The following THBS1 variants were observed in gnomAD, a reference collection of about 807,000 sequenced individuals.
THBS1 encodes the protein thrombospondin 1, also known as thrombospondin-1.
A neutral mutation model predicts 126.1 loss-of-function variants in THBS1; 29 were observed. The ratio of observed to expected loss-of-function variants is 0.23; its 90% CI spans 0.17 to 0.31. The LOEUF (loss-of-function observed/expected upper bound fraction) is 0.31. Ranked by LOEUF, THBS1 falls within the 10% of genes least tolerant of loss-of-function variation. The pLI, the probability that THBS1 is intolerant of heterozygous loss-of-function variation, is 1.00. For missense variants in THBS1, 1,198 were observed against 1,545.2 expected (o/e 0.78, Z 3.77); for synonymous variants, 496 against 577.8 (o/e 0.86, Z 2.03).
Position 39,582,521 on chromosome 15 carries a change from G to T in THBS1, c.396G>T (p.Leu132=), listed in dbSNP as rs1566838265. Residue 132 remains leucine (L), a synonymous_variant, in exon 3 of 22, where the codon CTG becomes CTT. Coordinates refer to ENST00000260356, the MANE Select transcript of THBS1 (RefSeq NM_003246.4). ...AGGCGGGCACCCTGGACCTCAGCCT[G>T]ACCGTCCAAGGAAAGCAGCACGTGG... The part of the protein sequence containing the change: ...NGKAGTLDLS[L]TVQGKQHVVS... 6.2e-7 allele frequency: 1 copy of T among 1,614,134 alleles called. No homozygotes were observed. Among genetic ancestry groups the T allele is most frequent in the East Asian group, 2.2e-5 (1 of 44,872 alleles).
In THBS1 at chr15:39,596,102, G is replaced by A. The variant is rs1397145752; in HGVS notation, c.*733G>A. On this transcript the variant is annotated 3_prime_UTR_variant, in exon 22 of 22. Transcript: ENST00000260356. ...GGAATCAGAATCAAACCAGTGTAAGGCAGTGCTGGCTGCCATTGCCTGGTC... is the reference window on the plus strand; with the variant it reads ...GGAATCAGAATCAAACCAGTGTAAGACAGTGCTGGCTGCCATTGCCTGGTC... 6.1e-6 allele frequency: 2 copies of A among 328,032 alleles called. No individual in the cohort carries two copies. Among genetic ancestry groups the A allele is most frequent in the African/African-American group, 2.2e-5 (1 of 46,378 alleles). The allele number at this position is 328,032 out of a possible 1,614,324, so 20.3% of individuals were successfully genotyped here. A position where few individuals can be genotyped will look rare whatever the true frequency, so the allele number is the denominator to read the frequency against.
chr15:39,585,604 G>A (rs1239200705), intron 7 of THBS1, 41 bp downstream of exon 7: 2 of 1,585,238 alleles, frequency 1.3e-6, no homozygotes, highest in Non-Finnish European at 8.6e-7. Context: ...CAGTGACTAG[G>A]TCAGTTCTAC....
intron 2 of THBS1, 41 bp from the exon 3 acceptor site, chr15:39,582,152 C>T (rs1165511092): frequency 6.5e-7 from 1 of 1,547,710 alleles, no homozygotes; most frequent in African/African-American, 1.4e-5. Context: ...CTGCTGGTCC[C>T]AGCCTAGAAA....
At chr15:39,591,110 A>T in intron 14 of THBS1, 81 bp from the exon 15 acceptor site, 1 of 1,480,540 alleles carries the variant, frequency 6.8e-7, no homozygotes, top group Non-Finnish European at 9.3e-7. Context: ...TCACAGTTTT[A>T]GACATATTAT....
chr15:39,584,500 G>A (rs766356758), intron 6 of THBS1, 78 bp downstream of exon 6: 245 of 1,560,898 alleles, frequency 1.6e-4, no homozygotes, highest in Non-Finnish European at 1.9e-4. Context: ...TACCCTAATC[G>A]CCACAGAGAT....
Position 39,591,261 on chromosome 15 carries a change from A to G in THBS1, c.2324A>G (p.Asp775Gly), listed in dbSNP as rs1182991332. 1 of 1,614,114 alleles carries G rather than the reference A, an allele frequency of 6.2e-7. No homozygotes were observed. Among genetic ancestry groups the G allele is most frequent in the African/African-American group, 1.3e-5 (1 of 74,928 alleles). ...AGAGATGATGTGGGAGACCGCTGTGACAACTGTCCCTACAACCACAACCCA... is the reference window on the plus strand; with the variant it reads ...AGAGATGATGTGGGAGACCGCTGTGGCAACTGTCCCTACAACCACAACCCA... ...YDRDDVGDRC[D>G]NCPYNHNPDQ... The change falls in exon 15 of 22, where the codon GAC becomes GGC. Residue 775 changes from aspartate to glycine, a missense_variant. Around this residue, in one of 4 missense-constraint regions of THBS1, gnomAD observed 663 missense variants for 860.1 expected, o/e 0.77. Transcript: ENST00000260356.
rs146704029 is a variant in THBS1 at position 39,589,077 on chromosome 15, T to C, written c.1764T>C (p.Asp588=). 2.7e-5 allele frequency: 43 copies of C among 1,614,008 alleles called. No individual in the cohort carries two copies. Among genetic ancestry groups the C allele is most frequent in the Non-Finnish European group, 3.6e-5 (43 of 1,180,020 alleles). The change falls in exon 11 of 22, where the codon GAT becomes GAC. Residue 588 remains aspartate, a synonymous_variant. Transcript: ENST00000260356. The surrounding 1 kb of genome is among the most constrained non-coding windows in gnomAD (Gnocchi z 4.7). ...GTGGAAATGGCATCCAGTGCACAGA[T>C]GTTGATGAGGTGAGGAACTGATGGG... The part of the protein sequence containing the change: ...GYSGNGIQCT[D]VDECKEVPDA...
rs146264664 is a variant in THBS1 at position 39,583,728 on chromosome 15, T to G, written c.703+36T>G. The G allele has an allele frequency of 3.9e-4, 621 of 1,592,790 alleles. 1 individual carries two copies. The African/African-American group carries it at 6.7e-3, about 17-fold the overall frequency. The stretch of plus-strand genomic sequence containing the variant: ...CTCTATTTTTAGGGCACATAGGGAA[T>G]CAGGGGGAATTCCACCAAAAACAAA... On this transcript the variant is annotated intron_variant, in intron 4 of 21. Transcript: ENST00000260356.
chr15:39,591,016 C>T, intron 14 of THBS1, 175 bp from the exon 15 acceptor site: 1 of 695,360 alleles, frequency 1.4e-6, no homozygotes, highest in Non-Finnish European at 2.3e-6. Context: ...ATTTTTTTAA[C>T]TATGTCCTTT....
At chr15:39,583,576 C>CCCCG in intron 3 of THBS1, 41 bp from the exon 4 acceptor site, 1 of 1,523,798 alleles carries the variant, frequency 6.6e-7, no homozygotes, top group Non-Finnish European at 9.1e-7. Flanking sequence ...ATCCCCACCC[C>CCCCG]GCTCTGCATT....
At chr15:39,587,098 G>T (rs1419544616) in intron 7 of THBS1, 4 of 318,318 alleles carry the variant, frequency 1.3e-5, no homozygotes, top group South Asian at 1.0e-4. Flanking sequence ...ACCAAAAAAA[G>T]TAACTGTAAG....
In THBS1 at chr15:39,583,688, C is replaced by A; in HGVS notation, c.699C>A (p.Ser233=). ...PEDILRNKGC[S]SSTSVLLTLD... is the part of the protein sequence containing the mutation. ...ACATCCTCAGGAACAAAGGCTGCTC[C>A]AGCTGTGAGTACCCCTCTATTTTTA... The change falls in exon 4 of 22, where the codon TCC becomes TCA. Residue 233 remains serine (S), a synonymous_variant. Coordinates refer to ENST00000260356, the MANE Select transcript of THBS1 (RefSeq NM_003246.4). The A allele has an allele frequency of 6.2e-7, 1 of 1,613,844 alleles. No individual in the cohort carries two copies. Among genetic ancestry groups the A allele is most frequent in the South Asian group, 1.1e-5 (1 of 91,070 alleles).
intron 3 of THBS1, 125 bp downstream of exon 3, chr15:39,582,877 G>A: frequency 1.8e-6 from 2 of 1,115,284 alleles, no homozygotes; most frequent in Non-Finnish European, 2.5e-6. Flanking sequence ...GGCAGCATGA[G>A]CATCACCTGG....
chr15:39,583,453 G>C (rs1326967593), intron 3 of THBS1, among the ~76,000 whole-genome samples, 164 bp from the exon 4 acceptor site: 1 of 152,190 alleles, frequency 6.6e-6, no homozygotes, highest in African/African-American at 2.4e-5. Flanking sequence ...AAGTTGTTTG[G>C]CGATTAATGT....
rs1472986032 is a variant in THBS1, at chr15:39,593,981, T to C, written c.3268-118T>C. 3 of 1,117,600 alleles carry C rather than the reference T, an allele frequency of 2.7e-6. No homozygotes were observed. In the South Asian group the frequency reaches 4.9e-5, roughly 18 times the overall value. The allele number at this position is 1,117,600 out of a possible 1,614,324, so 69.2% of individuals were successfully genotyped here. A position where few individuals can be genotyped will look rare whatever the true frequency, so the allele number is the denominator to read the frequency against. ...GAGAGGACTTGGAAAAATTCCCCAT[T>C]GCAGCCCTCTAACTTAGATCAGCTC... On this transcript the variant is annotated intron_variant, in intron 19 of 21. Transcript: ENST00000260356. This position sits in a 1 kb window ranked among gnomAD's most constrained non-coding sequence, Gnocchi z 5.9.
In THBS1 at chr15:39,590,037, C is replaced by G. The variant is rs987502417; in HGVS notation, c.2145+14C>G. The G allele has an allele frequency of 1.3e-6, 2 of 1,562,480 alleles. No homozygotes were observed. ...CACTGCAAAAAGGTAGAGCCAGGTC[C>G]TTTGTGTGCCTCCAGAAAGAGGGCC... On this transcript the variant is annotated intron_variant, in intron 13 of 21. Coordinates refer to ENST00000260356, the MANE Select transcript of THBS1 (RefSeq NM_003246.4).
At chr15:39,584,568 T>A in intron 6 of THBS1, 146 bp downstream of exon 6, 7 of 1,065,424 alleles carry the variant, frequency 6.6e-6, no homozygotes, top group Non-Finnish European at 9.3e-6. Flanking sequence ...AAGATGCAAT[T>A]ATGGCATCTA....
chr15:39,591,481 T>C lies in THBS1; in HGVS notation c.2414-24T>C, dbSNP rs898314710. On this transcript the variant is annotated intron_variant, in intron 15 of 21. Transcript: ENST00000260356. The stretch of plus-strand genomic sequence containing the variant: ...CATCCAAGGCTGGAGAGCCCAGCTC[T>C]TATTTGTCCCTTGTTCTCTTCAGGT... 2.5e-6 allele frequency: 4 copies of C among 1,613,638 alleles called. No individual in the cohort carries two copies. In the African/African-American group the frequency reaches 5.3e-5, roughly 22 times the overall value.
rs1050029381 is a variant in THBS1 at position 39,594,860 on chromosome 15, T to C, written c.3505+420T>C. Among the ~76,000 whole-genome samples, 1 of 152,252 alleles carries C rather than the reference T, an allele frequency of 6.6e-6. No homozygotes were observed. Among genetic ancestry groups the C allele is most frequent in the African/African-American group, 2.4e-5 (1 of 41,476 alleles). Reference sequence around the variant, plus strand: ...AAGGGAGAGGAATGTTGCTTTCATATTGGCATGTTAAATTAATGTTCACTA... The same window carrying C: ...AAGGGAGAGGAATGTTGCTTTCATACTGGCATGTTAAATTAATGTTCACTA... On this transcript the variant is annotated intron_variant, in intron 21 of 21. Coordinates refer to ENST00000260356, the MANE Select transcript of THBS1 (RefSeq NM_003246.4). The surrounding 1 kb of genome is among the most constrained non-coding windows in gnomAD (Gnocchi z 4.4).
Sources: gnomAD v4.1 joint callset for allele counts (sites outside exome capture counted in the v4.1 genomes callset) on GRCh38, gnomAD v4.1.1 for gene constraint, gnomAD v4.1.1 regional missense constraint, Gnocchi (gnomAD v3.1) non-coding constraint, MANE v1.5 for transcripts, NCBI Gene and HGNC (gene_info 2026-07-23, HGNC 2026-07-21) for gene names.